The following TRMT11 variants were observed in gnomAD, a reference collection of about 807,000 sequenced individuals.
TRMT11 encodes the protein tRNA methyltransferase 11, also known as tRNA (guanine(10)-N(2))-methyltransferase TRMT11.
TRMT11 carries 53 observed loss-of-function variants against 62.8 expected under a neutral mutation model. The ratio of observed to expected loss-of-function variants is 0.84; its 90% CI spans 0.68 to 1.06. The LOEUF (loss-of-function observed/expected upper bound fraction) is 1.06, where lower values mean the gene tolerates loss of function less well. TRMT11 is among the 50% of genes least tolerant of loss of function. TRMT11 has a pLI of 0.00. For missense variants in TRMT11, 556 were observed against 553.4 expected (o/e 1.00, Z -0.05); for synonymous variants, 188 against 190.3 (o/e 0.99, Z 0.10).
At chr6:126,032,756 C>A (rs1345996664) in intron 12 of TRMT11, among the ~76,000 whole-genome samples, 4 of 152,126 alleles carry the variant, frequency 2.6e-5, no homozygotes, top group Non-Finnish European at 5.9e-5. Flanking sequence ...TGTGAATTCA[C>A]GGAACTTGAC....
chr6:126,223,627 C>G, the TRMT11 span, among the ~76,000 whole-genome samples: 2 of 152,078 alleles, frequency 1.3e-5, no homozygotes, highest in Non-Finnish European at 2.9e-5. Context: ...AATCTAATGA[C>G]TATGTGTCTT....
downstream of TRMT11, among the ~76,000 whole-genome samples, chr6:126,042,180 T>G (rs1775898046): frequency 6.6e-6 from 1 of 152,190 alleles, no homozygotes; most frequent in Admixed American, 6.5e-5. Flanking sequence ...ACTGTGATTC[T>G]ATCTGGTCAT....
chr6:126,114,905 G>C (rs1777570129), intron 19 of TRMT11, among the ~76,000 whole-genome samples: 1 of 152,028 alleles, frequency 6.6e-6, no homozygotes. Flanking sequence ...CATTTACAGA[G>C]CTGTAAGAGA....
chr6:126,042,251 A>G (rs1775901378), downstream of TRMT11, among the ~76,000 whole-genome samples: 1 of 152,172 alleles, frequency 6.6e-6, no homozygotes, highest in African/African-American at 2.4e-5. Flanking sequence ...AGGGAACCTG[A>G]CCCCTTTCCC....
chr6:126,104,752 T>C (rs66559809), intron 17 of TRMT11, among the ~76,000 whole-genome samples: 13,594 of 152,276 alleles, frequency 0.089, 1,077 homozygotes, highest in African/African-American at 0.21. Context: ...TAAGATTTCA[T>C]TTTTATGCCT....
At chr6:126,209,202 A>T in the TRMT11 span, among the ~76,000 whole-genome samples, 2 of 152,204 alleles carry the variant, frequency 1.3e-5, no homozygotes. Flanking sequence ...GAAAAAAGCC[A>T]ATACTGATTT....
chr6:126,186,799 A>G (rs1199056368), intron 1 of TRMT11, among the ~76,000 whole-genome samples: 1 of 152,024 alleles, frequency 6.6e-6, no homozygotes, highest in East Asian at 1.9e-4. Flanking sequence ...TTCTCTCGTG[A>G]CCTTTAGTTT....
intron 12 of TRMT11, among the ~76,000 whole-genome samples, chr6:126,024,273 A>G (rs1562279719): frequency 6.6e-6 from 1 of 152,152 alleles, no homozygotes; most frequent in Non-Finnish European, 1.5e-5. Context: ...ACAGAAATTT[A>G]TTTTCTTACA....
At chr6:125,997,530 C>G (rs1791724994) in intron 3 of TRMT11, among the ~76,000 whole-genome samples, 1 of 152,256 alleles carries the variant, frequency 6.6e-6, no homozygotes, top group Admixed American at 6.5e-5. Context: ...ACATGCATGA[C>G]AGAGTATCAC....
At chr6:126,203,980 A>G (rs1778766290), downstream of TRMT11, among the ~76,000 whole-genome samples, 1 of 150,692 alleles carries the variant, frequency 6.6e-6, no homozygotes, top group South Asian at 2.1e-4. Context: ...GTTTTCAATA[A>G]TGACTTTGTA....
chr6:126,025,879 C>G lies in TRMT11; in HGVS notation c.1260+4599C>G, dbSNP rs945765225. 3.3e-5 allele frequency among the ~76,000 whole-genome samples: 5 copies of G among 151,846 alleles called. No homozygotes were observed. In the East Asian group the frequency reaches 9.6e-4, roughly 29 times the overall value. On this transcript the variant is annotated intron_variant, in intron 12 of 12. Transcript: ENST00000334379. Reference sequence around the variant, plus strand: ...TTGGTATGCTGTTATAAAGTATTCTCCCTATCCCTCTTTTAAAAGTGTAAA... The same window carrying G: ...TTGGTATGCTGTTATAAAGTATTCTGCCTATCCCTCTTTTAAAAGTGTAAA...
intron 1 of TRMT11, among the ~76,000 whole-genome samples, chr6:126,184,861 G>A (rs1247633746): frequency 6.6e-6 from 1 of 152,154 alleles, no homozygotes; most frequent in Non-Finnish European, 1.5e-5. Context: ...TGCAATCAGA[G>A]GCAGCCTGAC....
At chr6:126,026,625 T>G (rs1442924591) in intron 12 of TRMT11, among the ~76,000 whole-genome samples, 1 of 151,854 alleles carries the variant, frequency 6.6e-6, no homozygotes, top group Non-Finnish European at 1.5e-5. Context: ...AACCTCGTGA[T>G]CCGCCCACCT....
At chr6:126,096,363 C>T (rs909089129) in intron 17 of TRMT11, among the ~76,000 whole-genome samples, 2 of 152,116 alleles carry the variant, frequency 1.3e-5, no homozygotes, top group Non-Finnish European at 2.9e-5. Context: ...TCTGGATCTG[C>T]ACAATGGAAG....
chr6:126,256,904 G>T, the TRMT11 span, among the ~76,000 whole-genome samples: 1 of 151,766 alleles, frequency 6.6e-6, no homozygotes, highest in Non-Finnish European at 1.5e-5. Context: ...TTTGTTTTTC[G>T]AGATGGAGTC....
At chr6:126,126,883 T>C (rs1402633388) in intron 21 of TRMT11, among the ~76,000 whole-genome samples, 1 of 152,114 alleles carries the variant, frequency 6.6e-6, no homozygotes, top group African/African-American at 2.4e-5. Flanking sequence ...ATTTGAACAC[T>C]GAAGTGAACT....
At chr6:126,082,254 G>A (rs1197765253) in intron 17 of TRMT11, among the ~76,000 whole-genome samples, 1 of 151,910 alleles carries the variant, frequency 6.6e-6, no homozygotes, top group African/African-American at 2.4e-5. Context: ...TAATATGTAT[G>A]TCCTATTGTT....
At chr6:126,251,053 C>T in the TRMT11 span, among the ~76,000 whole-genome samples, 2 of 147,886 alleles carry the variant, frequency 1.4e-5, no homozygotes, top group South Asian at 4.3e-4. Flanking sequence ...TTTTCCAAGA[C>T]GGAGTCTTGC....
At chr6:125,997,539 ACT>A (rs1791727486) in intron 3 of TRMT11, among the ~76,000 whole-genome samples, 1 of 152,190 alleles carries the variant, frequency 6.6e-6, no homozygotes, top group Non-Finnish European at 1.5e-5. Flanking sequence ...ACAGAGTATC[ACT>A]CTGTTGTCCA....
Sources: gnomAD v4.1 joint callset for allele counts (sites outside exome capture counted in the v4.1 genomes callset) on GRCh38, gnomAD v4.1.1 for gene constraint, MANE v1.5 for transcripts, NCBI Gene and HGNC (gene_info 2026-07-23, HGNC 2026-07-21) for gene names.